The following PDXDC1 variants were observed in gnomAD, a reference collection of about 807,000 sequenced individuals.
PDXDC1 encodes the protein pyridoxal dependent decarboxylase domain containing 1.
Under a neutral mutation model 100.1 loss-of-function variants are expected in PDXDC1, and 42 were observed. The ratio of observed to expected loss-of-function variants is 0.42; its 90% CI spans 0.33 to 0.54. The LOEUF (loss-of-function observed/expected upper bound fraction) is 0.54, where lower values mean the gene tolerates loss of function less well. PDXDC1 is among the 20% of genes least tolerant of loss of function. The probability of loss-of-function intolerance (pLI) is 0.10; values close to 1 mark genes in which losing one functional copy is unlikely to be tolerated. For missense variants in PDXDC1, 636 were observed against 979.2 expected, an observed-to-expected ratio of 0.65 and a Z score of 4.68; for synonymous variants, 260 against 371.7, an observed-to-expected ratio of 0.70 and a Z score of 3.46.
At chr16:15,101,445 T>A (rs1349362820) in intron 16 of PDXDC1, among the ~76,000 whole-genome samples, 1 of 152,162 alleles carries the variant, frequency 6.6e-6, no homozygotes, top group Non-Finnish European at 1.5e-5. Flanking sequence ...GCCTCCCAAG[T>A]AGCTGGAATT....
At chr16:15,062,898 T>C (rs2044771094) in intron 16 of PDXDC1, among the ~76,000 whole-genome samples, 1 of 152,246 alleles carries the variant, frequency 6.6e-6, no homozygotes, top group African/African-American at 2.4e-5. Flanking sequence ...GGTCTTGCTC[T>C]GTTGCCCAGG....
Position 15,036,706 on chromosome 16 carries a change from C to T in PDXDC1, c.*431C>T, listed in dbSNP as rs773252305. ...CGAGACTGGCTGTATCCTTTGCTGT[C>T]GGTCTTTAGTACGATCAAGTTGCAA... On this transcript the variant is annotated 3_prime_UTR_variant, in exon 23 of 23. Coordinates refer to ENST00000396410, the MANE Select transcript of PDXDC1 (RefSeq NM_015027.4). The T allele has an allele frequency of 1.7e-5, 3 of 180,066 alleles. No individual in the cohort carries two copies. Among genetic ancestry groups the T allele is most frequent in the Non-Finnish European group, 3.6e-5 (3 of 84,166 alleles). 11.2% of individuals were successfully genotyped at this position (180,066 alleles called of 1,614,324 possible).
intron 16 of PDXDC1, among the ~76,000 whole-genome samples, chr16:15,111,476 T>C (rs1245220407): frequency 1.2e-5 from 1 of 80,784 alleles, no homozygotes; most frequent in Admixed American, 1.3e-4. Context: ...AAAAAAAAAA[T>C]AGGCCAGGTG....
chr16:15,027,930 G>A (rs1252279649), intron 14 of PDXDC1, among the ~76,000 whole-genome samples: 1 of 152,378 alleles, frequency 6.6e-6, no homozygotes, highest in South Asian at 2.1e-4. Flanking sequence ...CCTAGCCAGG[G>A]ACCCGCCTTT....
At chr16:15,020,067 G>A (rs1276599142) in intron 12 of PDXDC1, among the ~76,000 whole-genome samples, 13 of 141,042 alleles carry the variant, frequency 9.2e-5, no homozygotes, top group East Asian at 2.2e-4. Context: ...AGCCGAGATC[G>A]CGCCACTGCA....
At chr16:15,152,050 C>T in the PDXDC1 span, among the ~76,000 whole-genome samples, 1 of 149,580 alleles carries the variant, frequency 6.7e-6, no homozygotes, top group African/African-American at 2.4e-5. Context: ...CCACGTCTCC[C>T]CACGGAGCTT....
intron 16 of PDXDC1, among the ~76,000 whole-genome samples, chr16:15,090,189 G>A (rs573154989): frequency 2.6e-5 from 4 of 151,688 alleles, no homozygotes; most frequent in African/African-American, 9.6e-5. Flanking sequence ...CAGCCTGCGT[G>A]GTAAGAAGGA....
chr16:15,055,934 G>A (rs1186539064), intron 16 of PDXDC1: 15 of 1,232,684 alleles, frequency 1.2e-5, no homozygotes, highest in East Asian at 3.2e-5. Flanking sequence ...GGCTGACTGC[G>A]GCAGCCGCAC....
At position 15,036,476 on chromosome 16, in the gene PDXDC1, C is replaced by CAT. The variant is rs10668713; in HGVS notation, c.*201_*202insAT. The CAT allele has an allele frequency of 0.81, 468,199 of 575,528 alleles. 192,917 individuals carry two copies. Among genetic ancestry groups the CAT allele is most frequent in the Admixed American group, 0.88 (26,397 of 30,050 alleles). 35.7% of individuals were successfully genotyped at this position (575,528 alleles called of 1,614,324 possible). A position where few individuals can be genotyped will look rare whatever the true frequency, so the allele number is the denominator to read the frequency against. On this transcript the variant is annotated 3_prime_UTR_variant, in exon 23 of 23. Transcript: ENST00000396410. ...CTAACTTCATGTACATGTAGAACCACGTTTGCTGTCCTACTACGACTTTTC... is the reference window on the plus strand; with the variant it reads ...CTAACTTCATGTACATGTAGAACCACATGTTTGCTGTCCTACTACGACTTTTC...
chr16:15,150,529 CGTGGTG>C, the PDXDC1 span, among the ~76,000 whole-genome samples: 5 of 150,270 alleles, frequency 3.3e-5, no homozygotes, highest in Non-Finnish European at 5.9e-5. Flanking sequence ...ATTAGCCGGG[CGTGGTG>C]GCGCGCGCCT....
intron 16 of PDXDC1, chr16:15,127,916 C>G: frequency 1.4e-6 from 2 of 1,405,472 alleles, no homozygotes; most frequent in Non-Finnish European, 2.0e-6. Context: ...CAGGGAGGGC[C>G]GCACTGCAGG....
At chr16:15,074,547 C>CA (rs1430244535) in intron 16 of PDXDC1, 1 of 456,858 alleles carries the variant, frequency 2.2e-6, no homozygotes, top group African/African-American at 2.0e-5. Context: ...ATCCCAGTCC[C>CA]ATTTTCAAGC....
downstream of PDXDC1, among the ~76,000 whole-genome samples, chr16:15,140,402 C>T (rs1245303745): frequency 6.7e-6 from 1 of 148,154 alleles, no homozygotes; most frequent in East Asian, 2.0e-4. Context: ...TGAGATCGCG[C>T]CCCTGCACTC....
chr16:15,038,342 A>ATTT (rs1452299525), downstream of PDXDC1: 8 of 692,632 alleles, frequency 1.2e-5, no homozygotes, highest in Non-Finnish European at 1.9e-5. Context: ...AGGTGGCCTG[A>ATTT]ATTAGTAAGA....
chr16:15,021,124 C>T (rs1360470070), intron 12 of PDXDC1, among the ~76,000 whole-genome samples: 1 of 152,282 alleles, frequency 6.6e-6, no homozygotes, highest in Non-Finnish European at 1.5e-5. Context: ...TGCCTATAAT[C>T]CCAGCACTTT....
the PDXDC1 span, among the ~76,000 whole-genome samples, chr16:15,144,493 G>C: frequency 6.6e-6 from 1 of 152,108 alleles, no homozygotes; most frequent in African/African-American, 2.4e-5. Context: ...CCCACGAGGG[G>C]TGGGGGTTGC....
intron 16 of PDXDC1, among the ~76,000 whole-genome samples, chr16:15,075,878 C>T (rs1293809773): frequency 6.6e-6 from 1 of 152,180 alleles, no homozygotes; most frequent in African/African-American, 2.4e-5. Context: ...TCACAGCCGC[C>T]TACTTTCTCC....
In PDXDC1 at chr16:15,132,467, G is replaced by A. The variant is rs532245206; in HGVS notation, c.1400-6412G>A. 2.4e-3 allele frequency among the ~76,000 whole-genome samples: 358 copies of A among 148,260 alleles called. 4 individuals carry two copies. The highest frequency in any genetic ancestry group is 0.016 in the South Asian group (71 of 4,496). On this transcript the variant is annotated intron_variant, in intron 16 of 16. Transcript: ENST00000535621. Reference sequence around the variant, plus strand: ...AGGGGAGAGTGGAAGGCACAGAACAGCATCTTCTTAGTCCCTCCCCACATC... The same window carrying A: ...AGGGGAGAGTGGAAGGCACAGAACAACATCTTCTTAGTCCCTCCCCACATC...
intron 16 of PDXDC1, chr16:15,130,256 G>A (rs905871575): frequency 3.3e-5 from 51 of 1,547,478 alleles, no homozygotes; most frequent in Admixed American, 5.9e-5. Context: ...CGCCGAAGGC[G>A]GTGAGGTGGC....
Sources: gnomAD v4.1 joint callset for allele counts (sites outside exome capture counted in the v4.1 genomes callset) on GRCh38, gnomAD v4.1.1 for gene constraint, MANE v1.5 for transcripts, NCBI Gene and HGNC (gene_info 2026-07-23, HGNC 2026-07-21) for gene names.